CFAP46: variants seen among roughly 807,000 people sequenced by gnomAD.
CFAP46 encodes cilia- and flagella-associated protein 46.
CFAP46 carries 245 observed loss-of-function variants against 325.7 expected under a neutral mutation model. The observed-to-expected ratio is 0.75, with a 90% confidence interval of 0.68 to 0.84. CFAP46 has a LOEUF of 0.84. Among genes scored for constraint, CFAP46 ranks in the 40% least tolerant of loss-of-function variants. CFAP46 has a pLI of 0.00. For missense variants in CFAP46, 3,346 were observed against 3,543.0 expected, an observed-to-expected ratio of 0.94 and a Z score of 1.41; for synonymous variants, 1,523 against 1,495.9, an observed-to-expected ratio of 1.02 and a Z score of -0.42.
intron 8 of CFAP46, among the ~76,000 whole-genome samples, chr10:132,931,660 C>CTTG (rs1202315288): frequency 1.9e-4 from 27 of 139,548 alleles, no homozygotes; most frequent in Non-Finnish European, 3.5e-4. Flanking sequence ...CCCTACACTC[C>CTTG]CCACACAGAG....
chr10:132,849,279 C>T (rs2135125705), intron 41 of CFAP46, among the ~76,000 whole-genome samples: 1 of 152,226 alleles, frequency 6.6e-6, no homozygotes, highest in East Asian at 1.9e-4. Context: ...TGCAGAGCCT[C>T]GATTCCATCA....
In CFAP46 at chr10:132,934,745, CACTT is replaced by C. The variant is rs779857383; in HGVS notation, c.866+3_866+6del. The C allele has an allele frequency of 1.2e-5, 18 of 1,535,800 alleles. No individual in the cohort carries two copies. Among genetic ancestry groups the C allele is most frequent in the South Asian group, 2.3e-5 (2 of 88,690 alleles). On this transcript the variant is annotated splice_donor_5th_base_variant and intron_variant, in intron 8 of 57. Coordinates refer to ENST00000368586, the MANE Select transcript of CFAP46 (RefSeq NM_001200049.3). ...AGATGTGATATTGGAAAAATACAAA[CACTT>C]ACTTTTCTTCACTGATAGAGGGAAA... is the stretch of plus-strand genomic sequence containing the variant.
Position 132,869,645 on chromosome 10 carries a change from A to C in CFAP46, c.4512-273T>G, listed in dbSNP as rs1848869456. On this transcript the variant is annotated intron_variant, in intron 32 of 57. Coordinates refer to ENST00000368586, the MANE Select transcript of CFAP46 (RefSeq NM_001200049.3). This position sits in a 1 kb window ranked among gnomAD's most constrained non-coding sequence, Gnocchi z 6.2. ...CTGGACGCCGTCCGAGGAGAAGAGG[A>C]GGCCCTCAGGTGGGCTCAGCACCCA... 6.6e-6 allele frequency among the ~76,000 whole-genome samples: 1 copy of C among 152,240 alleles called. No homozygotes were observed. The highest frequency in any genetic ancestry group is 2.1e-4 in the South Asian group (1 of 4,820).
At chr10:132,928,092 G>A (rs935165247) in intron 9 of CFAP46, among the ~76,000 whole-genome samples, 4 of 151,998 alleles carry the variant, frequency 2.6e-5, no homozygotes, top group East Asian at 3.9e-4. Flanking sequence ...CCCTAACAGC[G>A]ACCCCACGTC....
Position 132,934,680 on chromosome 10 carries a change from C to A in CFAP46, c.866+72G>T, listed in dbSNP as rs1463066292. 8 of 1,082,848 alleles carry A rather than the reference C, an allele frequency of 7.4e-6. No homozygotes were observed. In the Admixed American group the frequency reaches 1.6e-4, roughly 22 times the overall value. The allele number at this position is 1,082,848 out of a possible 1,614,324, so 67.1% of individuals were successfully genotyped here. ...TAGTTGCTTGTTTTACATTTTTTCACATTTTTCAGTGCCTGCTAAATTTTG... is the reference window on the plus strand; with the variant it reads ...TAGTTGCTTGTTTTACATTTTTTCAAATTTTTCAGTGCCTGCTAAATTTTG... On this transcript the variant is annotated intron_variant, in intron 8 of 57. Coordinates refer to ENST00000368586, the MANE Select transcript of CFAP46 (RefSeq NM_001200049.3).
intron 38 of CFAP46, among the ~76,000 whole-genome samples, chr10:132,857,989 T>C (rs1187992104): frequency 6.6e-6 from 1 of 152,252 alleles, no homozygotes; most frequent in African/African-American, 2.4e-5. Context: ...ATTATGGTTA[T>C]AAAAATTAAG....
chr10:132,918,670 G>T, intron 15 of CFAP46, 150 bp from the exon 16 acceptor site: 1 of 1,051,530 alleles, frequency 9.5e-7, no homozygotes, highest in Non-Finnish European at 1.3e-6. Flanking sequence ...GAGGTGGGCA[G>T]CTTGCCCAGG....
At position 132,922,720 on chromosome 10, in the gene CFAP46, G is replaced by A; in HGVS notation, c.1257-12C>T. On this transcript the variant is annotated splice_polypyrimidine_tract_variant and intron_variant, in intron 11 of 57. Coordinates refer to ENST00000368586, the MANE Select transcript of CFAP46 (RefSeq NM_001200049.3). ...GAAGCGTCATGAGGCTGCGGGGGTGGCGTGGCATCAGGGGCCCTGGCGGCG... is the reference window on the plus strand; with the variant it reads ...GAAGCGTCATGAGGCTGCGGGGGTGACGTGGCATCAGGGGCCCTGGCGGCG... 3.9e-6 allele frequency: 6 copies of A among 1,541,102 alleles called. No individual in the cohort carries two copies. The highest frequency in any genetic ancestry group is 5.3e-6 in the Non-Finnish European group (6 of 1,139,878).
chr10:132,833,672 C>G, intron 49 of CFAP46, 147 bp from the exon 50 acceptor site: 1 of 765,272 alleles, frequency 1.3e-6, no homozygotes, highest in Non-Finnish European at 2.1e-6. Context: ...CCTCCAGATG[C>G]CCCAGAACGG....
At chr10:132,852,201 C>T (rs551042418) in intron 39 of CFAP46, among the ~76,000 whole-genome samples, 1 of 145,024 alleles carries the variant, frequency 6.9e-6, no homozygotes, top group Admixed American at 6.8e-5. Flanking sequence ...GATCCACAGA[C>T]GTGGTATGTT....
chr10:132,833,055 C>T, intron 50 of CFAP46, among the ~76,000 whole-genome samples: 1 of 151,962 alleles, frequency 6.6e-6, no homozygotes, highest in East Asian at 1.9e-4. Context: ...TCCCCAAAGC[C>T]TCAGTCTCCC....
At chr10:132,881,911 C>A (rs1849048793) in intron 27 of CFAP46, among the ~76,000 whole-genome samples, 1 of 152,256 alleles carries the variant, frequency 6.6e-6, no homozygotes, top group African/African-American at 2.4e-5. Flanking sequence ...ACTCACACTG[C>A]ATCAGCTGTC....
At position 132,869,331 on chromosome 10, in the gene CFAP46, G is replaced by A. The variant is rs1033814862; in HGVS notation, c.4553C>T (p.Ala1518Val). The stretch of plus-strand genomic sequence containing the variant: ...CCCGACCGCCTCTTCATGGCGCGCG[G>A]CTGCTTCTCTCAGCTTCAGCTCGGA... ...ACSELKLREA[A>V]ARHEEAVGQV... is the part of the protein sequence containing the mutation. The change falls in exon 33 of 58, where the codon GCC (alanine) becomes GTC (valine). Residue 1518 changes from alanine to valine, a missense_variant. Transcript: ENST00000368586. The surrounding 1 kb of genome is among the most constrained non-coding windows in gnomAD (Gnocchi z 6.2). 1.9e-6 allele frequency: 3 copies of A among 1,538,766 alleles called. No individual in the cohort carries two copies. The highest frequency in any genetic ancestry group is 2.5e-5 in the East Asian group (1 of 40,710).
intron 35 of CFAP46, among the ~76,000 whole-genome samples, chr10:132,862,787 G>A (rs1848742135): frequency 6.6e-6 from 1 of 151,226 alleles, no homozygotes; most frequent in Admixed American, 6.6e-5. Flanking sequence ...TCGGGGAGCA[G>A]GTTCAGGAGA....
intron 55 of CFAP46, among the ~76,000 whole-genome samples, 183 bp from the exon 56 acceptor site, chr10:132,811,214 C>T (rs971812710): frequency 6.6e-6 from 1 of 152,230 alleles, no homozygotes; most frequent in Non-Finnish European, 1.5e-5. Flanking sequence ...CACAGTGGAC[C>T]TCGCCAGCCT....
chr10:132,885,723 TGGAG>T (rs1849114032), intron 26 of CFAP46, 94 bp downstream of exon 26: 1 of 869,090 alleles, frequency 1.2e-6, no homozygotes, highest in Admixed American at 3.3e-5. Context: ...ATGCAGTGGG[TGGAG>T]CACTCACAGG....
chr10:132,837,904 C>G (rs1848290138), intron 44 of CFAP46, among the ~76,000 whole-genome samples: 1 of 85,468 alleles, frequency 1.2e-5, no homozygotes, highest in African/African-American at 4.8e-5. Context: ...CACAGATGAA[C>G]ACATACACGG....
intron 50 of CFAP46, among the ~76,000 whole-genome samples, chr10:132,822,337 G>A (rs1324245327): frequency 6.9e-5 from 10 of 145,172 alleles, no homozygotes; most frequent in Non-Finnish European, 4.5e-5. Context: ...TGTGCTGTGT[G>A]TGTGGTGATG....
intron 35 of CFAP46, among the ~76,000 whole-genome samples, chr10:132,865,576 G>GAGCAA (rs1848801111): frequency 6.6e-6 from 1 of 152,188 alleles, no homozygotes; most frequent in Non-Finnish European, 1.5e-5. Flanking sequence ...CAGGGAGTGA[G>GAGCAA]AGCAAAACAA....
Sources: gnomAD v4.1 joint callset for allele counts (sites outside exome capture counted in the v4.1 genomes callset) on GRCh38, gnomAD v4.1.1 for gene constraint, Gnocchi (gnomAD v3.1) non-coding constraint, MANE v1.5 for transcripts, NCBI Gene and HGNC (gene_info 2026-07-23, HGNC 2026-07-21) for gene names.